KDM4C: variants seen among roughly 807,000 people sequenced by gnomAD.
KDM4C encodes the protein lysine-specific demethylase 4C.
KDM4C carries 81 observed loss-of-function variants against 129.3 expected under a neutral mutation model. That is an observed-to-expected ratio of 0.63 (90% CI 0.52 to 0.75). The LOEUF is 0.75. KDM4C is among the 30% of genes least tolerant of loss of function. The probability of loss-of-function intolerance (pLI) is 0.00; values close to 1 mark genes in which losing one functional copy is unlikely to be tolerated. For synonymous variants in KDM4C, 573 were observed against 456.1 expected (o/e 1.26, Z -3.26); for missense variants, 1,457 against 1,304.0 (o/e 1.12, Z -1.81).
chr9:6,849,629 G>A lies in KDM4C; in HGVS notation c.558G>A (p.Thr186=), dbSNP rs781083425. Residue 186 remains threonine (T), a synonymous_variant, in exon 5 of 22, where the codon ACG becomes ACA. Coordinates refer to ENST00000381309, the MANE Select transcript of KDM4C (RefSeq NM_015061.6). ...PYLYFGMWKT[T]FAWHTEDMDL... ...TCTATTTTGGCATGTGGAAGACCAC[G>A]TTTGCATGGCACACCGAAGACATGG... 1.7e-5 allele frequency: 27 copies of A among 1,613,952 alleles called. No individual in the cohort carries two copies. In the South Asian group the frequency reaches 2.2e-4, roughly 13 times the overall value.
intron 8 of KDM4C, among the ~76,000 whole-genome samples, chr9:6,921,345 G>A (rs1341686070): frequency 5.3e-5 from 8 of 152,188 alleles, no homozygotes; most frequent in Non-Finnish European, 1.2e-4. Flanking sequence ...GGATGTTGAT[G>A]GGCTTCACAA....
intron 5 of KDM4C, among the ~76,000 whole-genome samples, chr9:6,876,078 T>G (rs1434583090): frequency 2.0e-5 from 3 of 152,190 alleles, no homozygotes; most frequent in Non-Finnish European, 4.4e-5. Context: ...AAAGGTACTG[T>G]GCTTTCCTGG....
chr9:6,756,318 T>A (rs1021152306), upstream of KDM4C, among the ~76,000 whole-genome samples: 6 of 152,254 alleles, frequency 3.9e-5, no homozygotes, highest in African/African-American at 1.4e-4. Flanking sequence ...AGGTTGCATA[T>A]TTATTATTTT....
intron 15 of KDM4C, among the ~76,000 whole-genome samples, chr9:7,044,821 T>C (rs1829156773): frequency 6.6e-6 from 1 of 151,852 alleles, no homozygotes. Flanking sequence ...TAATAGGGCC[T>C]ATTACAGAAA....
At chr9:7,022,147 G>A (rs1256160982) in intron 15 of KDM4C, among the ~76,000 whole-genome samples, 1 of 152,020 alleles carries the variant, frequency 6.6e-6, no homozygotes, top group African/African-American at 2.4e-5. Flanking sequence ...GGTCTTTTGT[G>A]ATTCCATATA....
chr9:6,819,739 AGTGT>A (rs1310548277), intron 4 of KDM4C, among the ~76,000 whole-genome samples: 1 of 152,222 alleles, frequency 6.6e-6, no homozygotes, highest in Non-Finnish European at 1.5e-5. Flanking sequence ...ATGTAGAGTG[AGTGT>A]AATAATTGCT....
Position 6,758,313 on chromosome 9 carries a change from G to T in KDM4C, c.-18+110G>T, listed in dbSNP as rs1209936223. On this transcript the variant is annotated intron_variant, in intron 1 of 21. Transcript: ENST00000381309. The surrounding 1 kb of genome is among the most constrained non-coding windows in gnomAD (Gnocchi z 4.6). ...CACGGGGGTGCGGGCGTCCGGGCGAGCGGCGACGCTGGGGCAGAGACGCTC... is the reference window on the plus strand; with the variant it reads ...CACGGGGGTGCGGGCGTCCGGGCGATCGGCGACGCTGGGGCAGAGACGCTC... 9.7e-6 allele frequency: 6 copies of T among 616,830 alleles called. No individual in the cohort carries two copies. Among genetic ancestry groups the T allele is most frequent in the Non-Finnish European group, 1.2e-5 (6 of 493,106 alleles). 38.2% of individuals were successfully genotyped at this position (616,830 alleles called of 1,614,324 possible). A position where few individuals can be genotyped will look rare whatever the true frequency, so the allele number is the denominator to read the frequency against.
chr9:6,808,968 CA>C (rs60791626), intron 3 of KDM4C, among the ~76,000 whole-genome samples: 17 of 151,996 alleles, frequency 1.1e-4, no homozygotes, highest in African/African-American at 4.1e-4. Context: ...GAAAGACCAA[CA>C]AAAAATCATA....
chr9:6,839,025 T>C (rs1432074142), intron 4 of KDM4C, among the ~76,000 whole-genome samples: 1 of 152,228 alleles, frequency 6.6e-6, no homozygotes, highest in South Asian at 2.1e-4. Flanking sequence ...TTTTTCTCCA[T>C]GCGTGTTACC....
chr9:6,767,956 A>C (rs934019680), intron 1 of KDM4C, among the ~76,000 whole-genome samples: 1 of 152,018 alleles, frequency 6.6e-6, no homozygotes, highest in South Asian at 2.1e-4. Flanking sequence ...ATACACACAT[A>C]ATATTTCTTT....
In KDM4C at chr9:6,986,464, G is replaced by A; in HGVS notation, c.1475G>A (p.Ser492Asn). The A allele has an allele frequency of 1.2e-6, 2 of 1,614,022 alleles. No homozygotes were observed. The highest frequency in any genetic ancestry group is 1.7e-6 in the Non-Finnish European group (2 of 1,179,936). The part of the protein sequence containing the change: ...SEADDSIPLS[S>N]GYEKPEKSDP... ...GCTGATGATTCCATTCCATTGTCTA[G>A]TGGCTATGAGAAGCCCGAGAAATCA... The change falls in exon 11 of 22, where the codon AGT becomes AAT. Residue 492 changes from serine to asparagine, a missense_variant. Physicochemically the swap from Ser to Asn is conservative, Grantham distance 46 (BLOSUM62 1). Coordinates refer to ENST00000381309, the MANE Select transcript of KDM4C (RefSeq NM_015061.6).
chr9:6,815,710 A>G, intron 4 of KDM4C, among the ~76,000 whole-genome samples: 1 of 152,138 alleles, frequency 6.6e-6, no homozygotes, highest in African/African-American at 2.4e-5. Flanking sequence ...AAAGTTTGGG[A>G]TTTTGGAGCA....
At chr9:6,973,018 C>T (rs1182022539) in intron 8 of KDM4C, among the ~76,000 whole-genome samples, 6 of 152,126 alleles carry the variant, frequency 3.9e-5, no homozygotes, top group African/African-American at 1.4e-4. Flanking sequence ...CAGACATAGT[C>T]TCATACTTGA....
intron 21 of KDM4C, chr9:7,170,719 A>G: frequency 1.0e-6 from 1 of 980,258 alleles, no homozygotes; most frequent in Non-Finnish European, 1.2e-6. Flanking sequence ...TTTTTTCTGA[A>G]TAATTCAGTT....
At chr9:7,160,179 G>C (rs1364102883) in intron 19 of KDM4C, among the ~76,000 whole-genome samples, 1 of 152,114 alleles carries the variant, frequency 6.6e-6, no homozygotes, top group South Asian at 2.1e-4. Flanking sequence ...TTTCAGCTCT[G>C]TCAGGTCATT....
At chr9:6,899,763 G>C (rs758197831) in intron 8 of KDM4C, among the ~76,000 whole-genome samples, 5 of 152,206 alleles carry the variant, frequency 3.3e-5, no homozygotes, top group Non-Finnish European at 7.3e-5. Context: ...TATCAAACCA[G>C]TTGGTTAGTA....
chr9:6,779,103 A>G (rs1823751462), intron 1 of KDM4C, among the ~76,000 whole-genome samples: 1 of 143,424 alleles, frequency 7.0e-6, no homozygotes, highest in Non-Finnish European at 1.5e-5. Flanking sequence ...ATCTTGGCTC[A>G]CTGCAAGCTC....
At chr9:6,926,341 T>TAAAAAAAAAAAAAAAAAAAAAAAAAAAA (rs33974740) in intron 8 of KDM4C, among the ~76,000 whole-genome samples, 112 of 107,136 alleles carry the variant, frequency 1.0e-3, no homozygotes, top group Non-Finnish European at 1.5e-3. Context: ...AGATAATTTG[T>TAAAAAAAAAAAAAAAAAAAAAAAAAAAA]AAAAAAAAAA....
intron 21 of KDM4C, among the ~76,000 whole-genome samples, chr9:7,171,332 C>A (rs893246747): frequency 2.6e-5 from 4 of 152,094 alleles, no homozygotes; most frequent in Admixed American, 2.6e-4. Context: ...CAAATCTTAC[C>A]AAGACCGAAA....
Sources: allele counts gnomAD v4.1 joint callset (sites outside exome capture counted in the v4.1 genomes callset), GRCh38; gene constraint gnomAD v4.1.1; non-coding constraint Gnocchi (gnomAD v3.1); transcripts MANE v1.5; gene names NCBI Gene and HGNC (gene_info 2026-07-23, HGNC 2026-07-21).